Variants in DHODH observed in about 807,000 individuals in gnomAD.
DHODH encodes dihydroorotate dehydrogenase (quinone), mitochondrial.
A neutral mutation model predicts 39.7 loss-of-function variants in DHODH; 30 were observed. The ratio of observed to expected loss-of-function variants is 0.76; its 90% CI spans 0.57 to 1.02. DHODH has a LOEUF of 1.02. DHODH is among the 50% of genes least tolerant of loss of function. The pLI is 0.00. For missense variants in DHODH, 531 were observed against 520.8 expected (o/e 1.02, Z -0.19); for synonymous variants, 222 against 213.8 (o/e 1.04, Z -0.34).
rs76266151 is a variant in DHODH, at chr16:72,012,613, CAG to C, written c.234+354_234+355del. Among the ~76,000 whole-genome samples the C allele has an allele frequency of 9.4e-4, 143 of 152,330 alleles. 1 individual carries two copies. The East Asian group carries it at 0.022, about 23-fold the overall frequency. ...GTAGCAGGACCAGGATTCAAACCCA[CAG>C]AGTCTGACGCTGGCTTCCCGCCCCT... is the stretch of plus-strand genomic sequence containing the variant. On this transcript the variant is annotated intron_variant, in intron 2 of 8. Coordinates refer to ENST00000219240, the MANE Select transcript of DHODH (RefSeq NM_001361.5).
chr16:72,013,963 G>A (rs190497377), intron 2 of DHODH, among the ~76,000 whole-genome samples: 1 of 152,184 alleles, frequency 6.6e-6, no homozygotes, highest in African/African-American at 2.4e-5. Flanking sequence ...GGGAGGCTGG[G>A]GGACGTGGCT....
intron 4 of DHODH, among the ~76,000 whole-genome samples, chr16:72,020,020 G>A (rs2041186074): frequency 1.3e-5 from 2 of 152,040 alleles, no homozygotes; most frequent in Admixed American, 1.3e-4. Context: ...GCTCACGCCT[G>A]TAATCCCAGC....
In DHODH at chr16:72,021,182, G is replaced by A. The variant is rs2041210756; in HGVS notation, c.576G>A (p.Glu192=). The part of the protein sequence containing the change: ...GKNKTSVDAA[E]DYAEGVRVLG... ...ACAAGACCTCAGTGGACGCCGCGGA[G>A]GACTACGCAGAAGGGGTGCGCGTAC... The change falls in exon 5 of 9, where the codon GAG becomes GAA. Residue 192 remains glutamate (E), a synonymous_variant. Coordinates refer to ENST00000219240, the MANE Select transcript of DHODH (RefSeq NM_001361.5). 1 of 1,610,092 alleles carries A rather than the reference G, an allele frequency of 6.2e-7. No homozygotes were observed. The highest frequency in any genetic ancestry group is 8.5e-7 in the Non-Finnish European group (1 of 1,178,302).
chr16:72,021,056 A>T, intron 4 of DHODH, 68 bp from the exon 5 acceptor site: 4 of 1,497,986 alleles, frequency 2.7e-6, no homozygotes, highest in Non-Finnish European at 3.6e-6. Flanking sequence ...GGTTTGGTCA[A>T]GGGCAGCCTC....
intron 4 of DHODH, among the ~76,000 whole-genome samples, chr16:72,017,638 G>A (rs1031295293): frequency 2.0e-5 from 3 of 152,016 alleles, no homozygotes; most frequent in Non-Finnish European, 2.9e-5. Context: ...TTTTTGGTTC[G>A]GGACAGTTCA....
intron 1 of DHODH, among the ~76,000 whole-genome samples, chr16:72,011,420 C>G (rs1050708812): frequency 1.3e-5 from 2 of 152,164 alleles, no homozygotes; most frequent in African/African-American, 2.4e-5. Flanking sequence ...AGGAGTACTG[C>G]TTGAGCCTAA....
At chr16:72,014,757 T>C in intron 3 of DHODH, 85 bp downstream of exon 3, 2 of 1,342,120 alleles carry the variant, frequency 1.5e-6, no homozygotes, top group South Asian at 1.2e-5. Context: ...TCTGTTTTTT[T>C]TCTCTCATAC....
chr16:72,015,728 C>T lies in DHODH; in HGVS notation c.434+1056C>T, dbSNP rs140058364. ...GAATTGGCCAGGCAAAATATATTTGCTTAACATTCAGCTGCTACAGATAAC... is the reference window on the plus strand; with the variant it reads ...GAATTGGCCAGGCAAAATATATTTGTTTAACATTCAGCTGCTACAGATAAC... On this transcript the variant is annotated intron_variant, in intron 3 of 8. Coordinates refer to ENST00000219240, the MANE Select transcript of DHODH (RefSeq NM_001361.5). 1.3e-4 allele frequency: 127 copies of T among 985,440 alleles called. 1 individual carries two copies. In the East Asian group the frequency reaches 0.012, roughly 91 times the overall value. 61.0% of individuals were successfully genotyped at this position (985,440 alleles called of 1,614,324 possible).
At chr16:72,021,039 C>A in intron 4 of DHODH, 85 bp from the exon 5 acceptor site, 1 of 1,398,628 alleles carries the variant, frequency 7.1e-7, no homozygotes, top group Non-Finnish European at 9.8e-7. Context: ...CGCGGCTGTC[C>A]ACAGGTGGTT....
In DHODH at chr16:72,012,081, G is replaced by C. The variant is rs1211653091; in HGVS notation, c.53G>C (p.Gly18Ala). 1.9e-6 allele frequency: 3 copies of C among 1,614,168 alleles called. No homozygotes were observed. Among genetic ancestry groups the C allele is most frequent in the Admixed American group, 1.7e-5 (1 of 60,018 alleles). The part of the protein sequence containing the change: ...KRAQDAVIIL[G>A]GGGLLFASYL... The stretch of plus-strand genomic sequence containing the variant: ...GCCCAGGATGCTGTGATCATCCTGG[G>C]GGGAGGAGGACTTCTCTTCGCCTCC... Residue 18 changes from glycine to alanine, a missense_variant, in exon 2 of 9, where the codon GGG (glycine) becomes GCG (alanine). Physicochemically the swap from Gly to Ala is moderately conservative, Grantham distance 60. Transcript: ENST00000219240.
At chr16:72,012,473 G>C (rs1297180733) in intron 2 of DHODH, among the ~76,000 whole-genome samples, 1 of 152,178 alleles carries the variant, frequency 6.6e-6, no homozygotes, top group Non-Finnish European at 1.5e-5. Context: ...CGGTGTTCTT[G>C]TTTGATCCTC....
At position 72,024,386 on chromosome 16, in the gene DHODH, G is replaced by T; in HGVS notation, c.*187G>T. 1.5e-6 allele frequency: 1 copy of T among 649,390 alleles called. No homozygotes were observed. Among genetic ancestry groups the T allele is most frequent in the South Asian group, 1.7e-5 (1 of 58,234 alleles). The allele number at this position is 649,390 out of a possible 1,614,324, so 40.2% of individuals were successfully genotyped here. ...CAGGCTTTCTTCAGTCCCTTGGTCA[G>T]ACCATAAACTGCATTTTTGATTCTT... On this transcript the variant is annotated 3_prime_UTR_variant, in exon 9 of 9. Coordinates refer to ENST00000219240, the MANE Select transcript of DHODH (RefSeq NM_001361.5).
intron 1 of DHODH, chr16:72,008,993 G>A: frequency 6.8e-7 from 1 of 1,470,506 alleles, no homozygotes; most frequent in Non-Finnish European, 9.0e-7. Flanking sequence ...GACAGCGCCT[G>A]CAGGTCTGGG....
chr16:72,014,832 C>T (rs1225422515), intron 3 of DHODH, among the ~76,000 whole-genome samples, 160 bp downstream of exon 3: 1 of 152,190 alleles, frequency 6.6e-6, no homozygotes, highest in Non-Finnish European at 1.5e-5. Context: ...CTATGTGCCC[C>T]AGGCATCTAT....
At chr16:72,013,645 C>G (rs1325556019) in intron 2 of DHODH, 1 of 152,238 alleles carries the variant, frequency 6.6e-6, no homozygotes, top group African/African-American at 2.4e-5. Context: ...TGGTGCCAGA[C>G]CAGTTTCACC....
In DHODH at chr16:72,016,922, C is replaced by T. The variant is rs1468702250; in HGVS notation, c.435-102C>T. ...TAGACCCTGGAAGTGTAAGAACTGA[C>T]TGTGATTTTTTTTTTTCTCTTGTTT... On this transcript the variant is annotated intron_variant, in intron 3 of 8. Coordinates refer to ENST00000219240, the MANE Select transcript of DHODH (RefSeq NM_001361.5). The T allele has an allele frequency of 2.8e-6, 3 of 1,084,922 alleles. No individual in the cohort carries two copies. The African/African-American group carries it at 4.7e-5, about 17-fold the overall frequency. 67.2% of individuals were successfully genotyped at this position (1,084,922 alleles called of 1,614,324 possible). A position where few individuals can be genotyped will look rare whatever the true frequency, so the allele number is the denominator to read the frequency against.
intron 6 of DHODH, 148 bp downstream of exon 6, chr16:72,022,623 C>A: frequency 1.4e-6 from 1 of 718,492 alleles, no homozygotes; most frequent in Non-Finnish European, 2.5e-6. Flanking sequence ...TGTAACTCAC[C>A]CTGTGGTCAA....
At position 72,019,975 on chromosome 16, in the gene DHODH, C is replaced by G. The variant is rs375171988; in HGVS notation, c.518-1149C>G. Among the ~76,000 whole-genome samples, 30 of 152,114 alleles carry G rather than the reference C, an allele frequency of 2.0e-4. 1 individual carries two copies. The highest frequency in any genetic ancestry group is 1.0e-3 in the Admixed American group (16 of 15,266). On this transcript the variant is annotated intron_variant, in intron 4 of 8. Transcript: ENST00000219240. ...TGGCCAACATGGTGAAACCCCTTCT[C>G]TACTAAAAATACAAAAATTAGGCCG...
intron 1 of DHODH, among the ~76,000 whole-genome samples, chr16:72,011,645 T>A (rs1047833342): frequency 6.6e-6 from 1 of 152,226 alleles, no homozygotes; most frequent in African/African-American, 2.4e-5. Flanking sequence ...CCCACACAAA[T>A]GTCAGAATGT....
Sources: allele counts gnomAD v4.1 joint callset (sites outside exome capture counted in the v4.1 genomes callset), GRCh38; gene constraint gnomAD v4.1.1; transcripts MANE v1.5; gene names NCBI Gene and HGNC (gene_info 2026-07-23, HGNC 2026-07-21).